CACHD1: variants seen among roughly 807,000 people sequenced by gnomAD.
CACHD1 encodes cache domain containing 1.
CACHD1 carries 71 observed loss-of-function variants against 138.7 expected under a neutral mutation model. The ratio of observed to expected loss-of-function variants is 0.51; its 90% CI spans 0.42 to 0.62. The LOEUF (loss-of-function observed/expected upper bound fraction) is 0.62. Ranked by LOEUF, CACHD1 falls within the 20% of genes least tolerant of loss-of-function variation. The probability of loss-of-function intolerance (pLI) is 0.00; values close to 1 mark genes in which losing one functional copy is unlikely to be tolerated. For missense variants in CACHD1, 1,389 were observed against 1,625.3 expected, an observed-to-expected ratio of 0.85 and a Z score of 2.50; for synonymous variants, 578 against 591.5, an observed-to-expected ratio of 0.98 and a Z score of 0.33.
intron 6 of CACHD1, among the ~76,000 whole-genome samples, chr1:64,633,041 C>T (rs1648370165): frequency 6.6e-6 from 1 of 152,114 alleles, no homozygotes; most frequent in Non-Finnish European, 1.5e-5. Context: ...TTATTGAATA[C>T]AGTACACTGC....
rs1159461111 is a variant in CACHD1, at chr1:64,681,294, G to A, written c.3443G>A (p.Arg1148Lys). 3 of 1,613,998 alleles carry A rather than the reference G, an allele frequency of 1.9e-6. No homozygotes were observed. Among genetic ancestry groups the A allele is most frequent in the African/African-American group, 1.3e-5 (1 of 75,040 alleles). Residue 1148 changes from arginine (R) to lysine (K), a missense_variant, in exon 25 of 27, where the codon AGA (arginine) becomes AAA (lysine). By Grantham distance (26) the Arg-to-Lys change is conservative. Coordinates refer to ENST00000651257, the MANE Select transcript of CACHD1 (RefSeq NM_020925.4). ...SVRMSNLEND[R>K]DERDDDSHED... ...CGTATGTCCAACCTGGAGAATGACA[G>A]AGATGAAAGGGACGACGACAGCCAC...
Position 64,681,270 on chromosome 1 carries a change from G to A in CACHD1, c.3419G>A (p.Arg1140His), listed in dbSNP as rs760611986. 3.3e-5 allele frequency: 54 copies of A among 1,613,220 alleles called. No homozygotes were observed. Among genetic ancestry groups the A allele is most frequent in the East Asian group, 4.5e-5 (2 of 44,882 alleles). ...TAATGATGGGTAGAAATGTCAGTGC[G>A]TATGTCCAACCTGGAGAATGACAGA... ...SPLAAQEMSV[R>H]MSNLENDRDE... is the part of the protein sequence containing the mutation. Residue 1140 changes from arginine (R) to histidine (H), a missense_variant, in exon 25 of 27, where the codon CGT becomes CAT. Around this residue, in one of 5 missense-constraint regions of CACHD1, gnomAD observed 250 missense variants for 292.9 expected, o/e 0.85. Coordinates refer to ENST00000651257, the MANE Select transcript of CACHD1 (RefSeq NM_020925.4).
chr1:64,601,332 G>A (rs1468924538), intron 3 of CACHD1, among the ~76,000 whole-genome samples: 1 of 152,166 alleles, frequency 6.6e-6, no homozygotes, highest in African/African-American at 2.4e-5. Flanking sequence ...TGCCAGCATG[G>A]ACACAGCAGC....
chr1:64,491,944 TG>T (rs939959904), intron 1 of CACHD1, among the ~76,000 whole-genome samples: 168 of 141,194 alleles, frequency 1.2e-3, no homozygotes, highest in Non-Finnish European at 1.6e-3. Flanking sequence ...GTTTGTTTTT[TG>T]TTTTTTTTTT....
chr1:64,546,669 T>C (rs1646720584), intron 1 of CACHD1, among the ~76,000 whole-genome samples: 1 of 152,102 alleles, frequency 6.6e-6, no homozygotes. Flanking sequence ...AAATTTTCCT[T>C]TCCATTTCCA....
At chr1:64,620,070 G>C (rs1647854510) in intron 4 of CACHD1, among the ~76,000 whole-genome samples, 1 of 151,990 alleles carries the variant, frequency 6.6e-6, no homozygotes, top group Non-Finnish European at 1.5e-5. Context: ...TTGGCACCCT[G>C]GGAATTTTTC....
At chr1:64,486,875 A>G (rs1452690320) in intron 1 of CACHD1, among the ~76,000 whole-genome samples, 1 of 152,176 alleles carries the variant, frequency 6.6e-6, no homozygotes, top group Non-Finnish European at 1.5e-5. Flanking sequence ...TTGGACCCTG[A>G]CCAGTTCTGT....
chr1:64,578,263 T>C (rs1276891242), intron 2 of CACHD1, among the ~76,000 whole-genome samples: 1 of 152,222 alleles, frequency 6.6e-6, no homozygotes, highest in East Asian at 1.9e-4. Context: ...ACTTAACTCA[T>C]TGATATAAAA....
rs1650602391 is a variant in CACHD1 at position 64,692,731 on chromosome 1, T to G, written c.*1170T>G. On this transcript the variant is annotated 3_prime_UTR_variant, in exon 27 of 27. Transcript: ENST00000651257. ...GTGATTTATACAGGGATTAATCAAATCTGGCTACTATAACATGGGGCATTG... is the reference window on the plus strand; with the variant it reads ...GTGATTTATACAGGGATTAATCAAAGCTGGCTACTATAACATGGGGCATTG... The G allele has an allele frequency of 6.6e-6, 1 of 152,196 alleles. No individual in the cohort carries two copies. Among genetic ancestry groups the G allele is most frequent in the Admixed American group, 6.5e-5 (1 of 15,270 alleles). The allele number at this position is 152,196 out of a possible 1,614,324, so 9.4% of individuals were successfully genotyped here.
At chr1:64,485,532 G>T (rs1011104927) in intron 1 of CACHD1, among the ~76,000 whole-genome samples, 1 of 152,094 alleles carries the variant, frequency 6.6e-6, no homozygotes, top group Non-Finnish European at 1.5e-5. Context: ...ATATGCCACA[G>T]TTTGCTTACC....
chr1:64,551,360 C>A (rs1218732505), intron 2 of CACHD1, among the ~76,000 whole-genome samples: 2 of 151,902 alleles, frequency 1.3e-5, no homozygotes, highest in African/African-American at 4.8e-5. Flanking sequence ...TGTTGATGAA[C>A]CTGGTCGTAA....
chr1:64,678,302 G>A lies in CACHD1; in HGVS notation c.3236G>A (p.Gly1079Glu), dbSNP rs553860614. 5.3e-5 allele frequency: 84 copies of A among 1,575,314 alleles called. 2 individuals are homozygous for A. The South Asian group carries it at 9.6e-4, about 18-fold the overall frequency. Residue 1079 changes from glycine (G) to glutamate (E), a missense_variant, in exon 23 of 27, where the codon GGA becomes GAA. Physicochemically the swap from Gly to Glu is moderately conservative, Grantham distance 98. Coordinates refer to ENST00000651257, the MANE Select transcript of CACHD1 (RefSeq NM_020925.4). Reference protein sequence around the residue: ...GAKSPYVDDMGAIGDEVITLN... With the variant: ...GAKSPYVDDMEAIGDEVITLN... ...AAAAGTCCCTACGTTGATGACATGG[G>A]AGCAATAGGTATGTTTGTTAGATGC...
At chr1:64,603,025 T>C in intron 4 of CACHD1, 113 bp downstream of exon 4, 1 of 606,326 alleles carries the variant, frequency 1.6e-6, no homozygotes, top group Non-Finnish European at 2.9e-6. Flanking sequence ...ATTATATACT[T>C]AAGATTGGAT....
At chr1:64,593,752 G>T (rs917929590) in intron 3 of CACHD1, among the ~76,000 whole-genome samples, 1 of 152,144 alleles carries the variant, frequency 6.6e-6, no homozygotes, top group African/African-American at 2.4e-5. Context: ...CAGAGGACTG[G>T]AGTTGAGCTC....
At chr1:64,593,734 A>G (rs1647126505) in intron 3 of CACHD1, among the ~76,000 whole-genome samples, 1 of 152,168 alleles carries the variant, frequency 6.6e-6, no homozygotes, top group Admixed American at 6.5e-5. Context: ...CTTTCTGGAT[A>G]TTGGTACCAG....
At chr1:64,596,683 C>G (rs1252147293) in intron 3 of CACHD1, among the ~76,000 whole-genome samples, 1 of 152,168 alleles carries the variant, frequency 6.6e-6, no homozygotes, top group Non-Finnish European at 1.5e-5. Flanking sequence ...TGATCTGATA[C>G]CAAGTTTTGC....
intron 2 of CACHD1, among the ~76,000 whole-genome samples, chr1:64,561,680 C>A (rs1366381346): frequency 7.6e-6 from 1 of 131,516 alleles, no homozygotes; most frequent in Non-Finnish European, 1.6e-5. Flanking sequence ...TAGGGAGACA[C>A]CCATTGTCTA....
chr1:64,597,524 GTTTT>G (rs34162933), intron 3 of CACHD1, among the ~76,000 whole-genome samples: 107 of 80,374 alleles, frequency 1.3e-3, no homozygotes, highest in Middle Eastern at 0.01. Context: ...TTTTTTTGTT[GTTTT>G]TTTTTTTTTT....
chr1:64,593,864 A>G (rs553693663), intron 3 of CACHD1, among the ~76,000 whole-genome samples: 16 of 152,284 alleles, frequency 1.1e-4, no homozygotes, highest in Non-Finnish European at 2.1e-4. Context: ...TCCTCTTTAA[A>G]CAATGTGTTA....
Sources: gnomAD v4.1 joint callset for allele counts (sites outside exome capture counted in the v4.1 genomes callset) on GRCh38, gnomAD v4.1.1 for gene constraint, gnomAD v4.1.1 regional missense constraint, MANE v1.5 for transcripts, NCBI Gene and HGNC (gene_info 2026-07-23, HGNC 2026-07-21) for gene names.